GLDC: variants seen among roughly 807,000 people sequenced by gnomAD.
GLDC encodes glycine decarboxylase.
A neutral mutation model predicts 121.3 loss-of-function variants in GLDC; 104 were observed. That is an observed-to-expected ratio of 0.86 (90% confidence interval 0.73 to 1.01). GLDC has a LOEUF of 1.01. Ranked by LOEUF, GLDC falls within the 50% of genes least tolerant of loss-of-function variation. The pLI is 0.00. For missense variants in GLDC, 1,429 were observed against 1,306.6 expected (o/e 1.09, Z -1.44); for synonymous variants, 546 against 480.6 (o/e 1.14, Z -1.78).
At chr9:6,624,640 A>C (rs1298356175) in intron 2 of GLDC, among the ~76,000 whole-genome samples, 2 of 152,220 alleles carry the variant, frequency 1.3e-5, no homozygotes, top group African/African-American at 4.8e-5. Flanking sequence ...AAACTGTATC[A>C]GTCATTTTTA....
intron 22 of GLDC, among the ~76,000 whole-genome samples, chr9:6,539,476 C>T (rs12341267): frequency 0.036 from 5,441 of 152,150 alleles, 304 homozygotes; most frequent in African/African-American, 0.12. Flanking sequence ...GAGACTCTGT[C>T]TCCCCAACCC....
Position 6,605,180 on chromosome 9 carries a change from C to T in GLDC, c.812G>A (p.Gly271Glu), listed in dbSNP as rs1430370196. The T allele has an allele frequency of 6.2e-7, 1 of 1,613,516 alleles. No individual in the cohort carries two copies. Among genetic ancestry groups the T allele is most frequent in the Non-Finnish European group, 8.5e-7 (1 of 1,179,842 alleles). Residue 271 changes from glycine to glutamate, a missense_variant, in exon 6 of 25, where the codon GGG (glycine) becomes GAG (glutamate). By Grantham distance (98) the Gly-to-Glu change is moderately conservative. Transcript: ENST00000321612. ...GAGTTCCGTAAAGTCTTCCACCTTC[C>T]CCTCCGTGTCTGGGTACTGGAACAA... Reference protein sequence around the residue: ...GVLFQYPDTEGKVEDFTELVE... With the variant: ...GVLFQYPDTEEKVEDFTELVE...
At chr9:6,591,926 T>C (rs1818383159) in intron 11 of GLDC, 1 of 468,014 alleles carries the variant, frequency 2.1e-6, no homozygotes, top group Non-Finnish European at 4.0e-6. Flanking sequence ...TTAACAATCT[T>C]TCCAACTAGC....
chr9:6,540,018 T>A (rs376663224), intron 22 of GLDC, 33 bp downstream of exon 22: 81 of 1,339,450 alleles, frequency 6.0e-5, no homozygotes, highest in Non-Finnish European at 8.1e-5. Context: ...ACAGCCAGCA[T>A]GGGCGGCGGC....
rs765268971 is a variant in GLDC at position 6,587,161 on chromosome 9, C to T, written c.1830G>A (p.Gln610=). 3.1e-6 allele frequency: 5 copies of T among 1,613,554 alleles called. No homozygotes were observed. The highest frequency in any genetic ancestry group is 4.2e-6 in the Non-Finnish European group (5 of 1,179,822). ...KDLCELTGYD[Q]VCFQPNSGAQ... is the part of the protein sequence containing the mutation. The stretch of plus-strand genomic sequence containing the variant: ...CTTACCTGTTTGGCTGGAAACAGAC[C>T]TGGTCATAACCTGTGAGTTCACACA... Residue 610 remains glutamine, a synonymous_variant, in exon 15 of 25, where the codon CAG becomes CAA. Coordinates refer to ENST00000321612, the MANE Select transcript of GLDC (RefSeq NM_000170.3).
intron 18 of GLDC, among the ~76,000 whole-genome samples, chr9:6,555,205 C>T (rs936241809): frequency 2.0e-5 from 3 of 152,174 alleles, no homozygotes; most frequent in East Asian, 1.9e-4. Flanking sequence ...CGTTACCGAA[C>T]GGCCCCGTTG....
chr9:6,599,488 C>T (rs1458342603), intron 8 of GLDC, among the ~76,000 whole-genome samples: 1 of 151,864 alleles, frequency 6.6e-6, no homozygotes, highest in Non-Finnish European at 1.5e-5. Context: ...TTTGGGAGGC[C>T]GAGGTGGGCA....
chr9:6,623,780 A>G (rs894208834), intron 2 of GLDC, among the ~76,000 whole-genome samples: 24 of 152,204 alleles, frequency 1.6e-4, no homozygotes, highest in African/African-American at 5.8e-4. Flanking sequence ...AATGCAATAA[A>G]CCCACATCTG....
intron 2 of GLDC, among the ~76,000 whole-genome samples, chr9:6,628,000 G>A (rs1819281101): frequency 6.6e-6 from 1 of 152,204 alleles, no homozygotes; most frequent in South Asian, 2.1e-4. Flanking sequence ...GCAGAGAAAA[G>A]GAGAGAAGAC....
intron 3 of GLDC, among the ~76,000 whole-genome samples, chr9:6,617,297 G>A (rs1313565650): frequency 6.6e-6 from 1 of 152,134 alleles, no homozygotes; most frequent in Admixed American, 6.6e-5. Context: ...GAAAAGTACA[G>A]GACAACATCA....
At chr9:6,553,972 A>G (rs1400728891) in intron 19 of GLDC, among the ~76,000 whole-genome samples, 1 of 151,818 alleles carries the variant, frequency 6.6e-6, no homozygotes, top group Non-Finnish European at 1.5e-5. Flanking sequence ...AATGAATCTC[A>G]CTTTAACCGT....
intron 2 of GLDC, among the ~76,000 whole-genome samples, chr9:6,629,943 A>ATATATATATATATATATATGTG (rs1554650756): frequency 3.7e-5 from 3 of 80,636 alleles, no homozygotes; most frequent in African/African-American, 2.4e-4. Context: ...ATATATATAT[A>ATATATATATATATATATATGTG]TGTATATATA....
At chr9:6,548,919 C>G (rs1363580076) in intron 21 of GLDC, among the ~76,000 whole-genome samples, 4 of 152,152 alleles carry the variant, frequency 2.6e-5, no homozygotes, top group Admixed American at 2.0e-4. Flanking sequence ...ATAACTACAT[C>G]CTACTGAAGC....
In GLDC at chr9:6,549,426, C is replaced by A. The variant is rs138014683; in HGVS notation, c.2569+1377G>T. Among the ~76,000 whole-genome samples, 108 of 152,304 alleles carry A rather than the reference C, an allele frequency of 7.1e-4. 1 individual carries two copies. Among genetic ancestry groups the A allele is most frequent in the Admixed American group, 5.0e-3 (76 of 15,298 alleles). On this transcript the variant is annotated intron_variant, in intron 21 of 24. Transcript: ENST00000321612. ...TGGAGCCACACGGCAGCAGGAGGGC[C>A]AGGCAGGGGTGTTGAGGGAGAGGCA... is the stretch of plus-strand genomic sequence containing the variant.
chr9:6,584,567 G>A (rs1300625167), intron 15 of GLDC, among the ~76,000 whole-genome samples: 1 of 152,150 alleles, frequency 6.6e-6, no homozygotes, highest in Non-Finnish European at 1.5e-5. Flanking sequence ...CTTATATATG[G>A]AATATGTGGT....
Position 6,550,894 on chromosome 9 carries a change from A to T in GLDC, c.2478T>A (p.Leu826=), listed in dbSNP as rs1587920328. The T allele has an allele frequency of 1.2e-6, 2 of 1,611,598 alleles. No individual in the cohort carries two copies. The highest frequency in any genetic ancestry group is 8.5e-7 in the Non-Finnish European group (1 of 1,177,742). ...AYIKMMGGKG[L]KQATETAILN... is the part of the protein sequence containing the mutation. Reference sequence around the variant, plus strand: ...ATATCGCAGTTTCCGTGGCTTGTTTAAGACCCTTGCCTCCCATCATCTGCA... The same window carrying T: ...ATATCGCAGTTTCCGTGGCTTGTTTTAGACCCTTGCCTCCCATCATCTGCA... Residue 826 remains leucine (L), a synonymous_variant, in exon 21 of 25, where the codon CTT becomes CTA. Transcript: ENST00000321612.
In GLDC at chr9:6,589,402, T is replaced by C. The variant is rs1008021625; in HGVS notation, c.1483-110A>G. On this transcript the variant is annotated intron_variant, in intron 11 of 24. Coordinates refer to ENST00000321612, the MANE Select transcript of GLDC (RefSeq NM_000170.3). ...CAAAGCACTCAAAATGGATCAAATATATAATTTTACTTATTTATTTATTTA... is the reference window on the plus strand; with the variant it reads ...CAAAGCACTCAAAATGGATCAAATACATAATTTTACTTATTTATTTATTTA... The C allele has an allele frequency of 1.9e-5, 10 of 539,092 alleles. No homozygotes were observed. In the Admixed American group the frequency reaches 3.1e-4, roughly 17 times the overall value. The allele number at this position is 539,092 out of a possible 1,614,324, so 33.4% of individuals were successfully genotyped here.
chr9:6,555,171 C>T (rs1260684321), intron 18 of GLDC, among the ~76,000 whole-genome samples: 2 of 152,320 alleles, frequency 1.3e-5, no homozygotes, highest in African/African-American at 2.4e-5. Context: ...CCTTCCCCTG[C>T]GTGGTCGGCT....
intron 8 of GLDC, among the ~76,000 whole-genome samples, chr9:6,598,676 G>T (rs7873802): frequency 0.023 from 3,561 of 152,306 alleles, 137 homozygotes; most frequent in African/African-American, 0.081. Context: ...AGTAATTCTT[G>T]TATGCAATCA....
Sources: allele counts gnomAD v4.1 joint callset (sites outside exome capture counted in the v4.1 genomes callset), GRCh38; gene constraint gnomAD v4.1.1; transcripts MANE v1.5; gene names NCBI Gene and HGNC (gene_info 2026-07-23, HGNC 2026-07-21).